GRB14: variants seen among roughly 807,000 people sequenced by gnomAD.
GRB14 encodes growth factor receptor-bound protein 14.
In GRB14, 38 loss-of-function variants were observed where a neutral mutation model predicts 69.1. The observed-to-expected ratio is 0.55, with a 90% CI of 0.42 to 0.72. The LOEUF is 0.72. GRB14 is among the 30% of genes least tolerant of loss of function. The pLI is 0.00. For synonymous variants in GRB14, 247 were observed against 241.3 expected, an observed-to-expected ratio of 1.02 and a Z score of -0.22; for missense variants, 666 against 666.1, an observed-to-expected ratio of 1.00 and a Z score of 0.00.
intron 6 of GRB14, among the ~76,000 whole-genome samples, chr2:164,516,405 T>G: frequency 6.6e-6 from 1 of 151,904 alleles, no homozygotes; most frequent in African/African-American, 2.4e-5. Flanking sequence ...GGAGAATCAC[T>G]TGAACCTGGG....
chr2:164,527,085 C>CCCAG lies in GRB14; in HGVS notation c.528_531dup (p.Gly178LeufsTer12). 6.3e-7 allele frequency: 1 copy of CCCAG among 1,581,108 alleles called. No individual in the cohort carries two copies. The highest frequency in any genetic ancestry group is 8.7e-7 in the Non-Finnish European group (1 of 1,153,750). On this transcript the variant is annotated frameshift_variant, in exon 4 of 14. Transcript: ENST00000263915. LOFTEE classifies it high-confidence loss of function. ...TATAGTTTGTTTTCTTCTTCTATCC[C>CCCAG]CCAGTTGGATAGCACTTCAATCACC...
Position 164,567,668 on chromosome 2 carries a change from T to G in GRB14, c.325-19852A>C, listed in dbSNP as rs564047467. Among the ~76,000 whole-genome samples, 5 of 152,274 alleles carry G rather than the reference T, an allele frequency of 3.3e-5. No individual in the cohort carries two copies. In the South Asian group the frequency reaches 1.0e-3, roughly 32 times the overall value. On this transcript the variant is annotated intron_variant, in intron 2 of 13. Coordinates refer to ENST00000263915, the MANE Select transcript of GRB14 (RefSeq NM_004490.3). ...GCATATACCACCTTGTAAAATGCAA[T>G]GCTGTAAGTGAGACATAAAAATAAT...
chr2:164,539,544 A>G (rs1414119463), intron 3 of GRB14, among the ~76,000 whole-genome samples: 1 of 152,138 alleles, frequency 6.6e-6, no homozygotes. Flanking sequence ...ATTAGACTTC[A>G]GGTTCAGGAA....
At chr2:164,558,837 A>G (rs1391262852) in intron 2 of GRB14, among the ~76,000 whole-genome samples, 1 of 152,206 alleles carries the variant, frequency 6.6e-6, no homozygotes, top group Non-Finnish European at 1.5e-5. Flanking sequence ...TTTAGAAGAG[A>G]GGGAAAACGT....
At chr2:164,571,961 C>A (rs77919687) in intron 2 of GRB14, among the ~76,000 whole-genome samples, 2,686 of 152,284 alleles carry the variant, frequency 0.018, 38 homozygotes, top group Non-Finnish European at 0.025. Flanking sequence ...CGTACCCAAG[C>A]ATTTGTTTGA....
intron 3 of GRB14, among the ~76,000 whole-genome samples, chr2:164,540,253 A>G (rs1359458869): frequency 6.6e-6 from 1 of 152,128 alleles, no homozygotes; most frequent in Non-Finnish European, 1.5e-5. Context: ...CCTGCCTGCT[A>G]CGTGCTTCAT....
chr2:164,589,753 C>A (rs1183373616), intron 2 of GRB14, among the ~76,000 whole-genome samples: 1 of 152,192 alleles, frequency 6.6e-6, no homozygotes, highest in African/African-American at 2.4e-5. Context: ...ATCCTAACCA[C>A]AGAACTCTTA....
At chr2:164,522,159 A>G in intron 5 of GRB14, 42 bp from the exon 6 acceptor site, 1 of 1,129,040 alleles carries the variant, frequency 8.9e-7, no homozygotes, top group Non-Finnish European at 1.3e-6. Context: ...GATTAAATCA[A>G]TGATATGGTA....
chr2:164,532,173 A>AT (rs1000415566), intron 3 of GRB14, among the ~76,000 whole-genome samples: 3 of 152,220 alleles, frequency 2.0e-5, no homozygotes, highest in African/African-American at 7.2e-5. Flanking sequence ...AACTGAACAC[A>AT]TTTCAAACGT....
At chr2:164,583,354 C>G (rs1335471586) in intron 2 of GRB14, among the ~76,000 whole-genome samples, 1 of 151,840 alleles carries the variant, frequency 6.6e-6, no homozygotes. Context: ...AGAGAATCAA[C>G]AGTTGTAAAA....
At chr2:164,616,268 CA>C (rs59327585) in intron 2 of GRB14, among the ~76,000 whole-genome samples, 12 of 151,040 alleles carry the variant, frequency 7.9e-5, no homozygotes, top group Admixed American at 2.0e-4. Flanking sequence ...ACTAAAAATA[CA>C]AAAAAAATTA....
chr2:164,500,191 A>G (rs1007478701), intron 9 of GRB14, among the ~76,000 whole-genome samples: 2 of 152,028 alleles, frequency 1.3e-5, no homozygotes, highest in Non-Finnish European at 2.9e-5. Flanking sequence ...CTTTAAATGA[A>G]TCCTTTGTTT....
In GRB14 at chr2:164,530,461, T is replaced by C. The variant is rs1247776537; in HGVS notation, c.482-3326A>G. On this transcript the variant is annotated intron_variant, in intron 3 of 13. Transcript: ENST00000263915. ...GCATATATTTAAACCATAATAGTGGTGATAAACCTTACAGGGAAAAATAGA... is the reference window on the plus strand; with the variant it reads ...GCATATATTTAAACCATAATAGTGGCGATAAACCTTACAGGGAAAAATAGA... Among the ~76,000 whole-genome samples, 4 of 151,972 alleles carry C rather than the reference T, an allele frequency of 2.6e-5. No individual in the cohort carries two copies. In the East Asian group the frequency reaches 7.8e-4, roughly 29 times the overall value.
chr2:164,578,295 G>A (rs77450803), intron 2 of GRB14, among the ~76,000 whole-genome samples: 4,434 of 151,920 alleles, frequency 0.029, 201 homozygotes, highest in African/African-American at 0.1. Context: ...CCAAAGTAAG[G>A]CCTAAAAGGA....
intron 3 of GRB14, among the ~76,000 whole-genome samples, chr2:164,541,184 T>C (rs760889830): frequency 2.0e-5 from 3 of 152,120 alleles, no homozygotes; most frequent in Non-Finnish European, 2.9e-5. Flanking sequence ...TTTAAAATAA[T>C]AGGCCAGTCG....
intron 3 of GRB14, among the ~76,000 whole-genome samples, chr2:164,544,755 G>A (rs1688327061): frequency 6.6e-6 from 1 of 152,132 alleles, no homozygotes; most frequent in Non-Finnish European, 1.5e-5. Flanking sequence ...TATCAGCTGA[G>A]GATACCGTGG....
chr2:164,506,950 G>T (rs1230995718), intron 8 of GRB14, among the ~76,000 whole-genome samples: 2 of 152,128 alleles, frequency 1.3e-5, no homozygotes, highest in Non-Finnish European at 2.9e-5. Context: ...GAGGCAAATT[G>T]GTGATTGCTA....
chr2:164,552,996 C>A (rs1688584333), intron 2 of GRB14, among the ~76,000 whole-genome samples: 1 of 152,128 alleles, frequency 6.6e-6, no homozygotes, highest in Non-Finnish European at 1.5e-5. Flanking sequence ...CATTCCATGC[C>A]AAGAAATGGG....
At chr2:164,541,019 T>C (rs1688223416) in intron 3 of GRB14, among the ~76,000 whole-genome samples, 1 of 152,138 alleles carries the variant, frequency 6.6e-6, no homozygotes, top group Admixed American at 6.5e-5. Flanking sequence ...AGTTAATACA[T>C]ATAGCAACTA....
Sources: allele counts gnomAD v4.1 joint callset (sites outside exome capture counted in the v4.1 genomes callset), GRCh38; gene constraint gnomAD v4.1.1; transcripts MANE v1.5; gene names NCBI Gene and HGNC (gene_info 2026-07-23, HGNC 2026-07-21).